Variants in IFTAP observed in about 807,000 individuals in gnomAD.
The protein encoded by IFTAP is intraflagellar transport associated protein, also known as intraflagellar transport-associated protein.
In IFTAP, 19 loss-of-function variants were observed where a neutral mutation model predicts 19.4. The ratio of observed to expected loss-of-function variants is 0.98; its 90% confidence interval spans 0.68 to 1.44. The LOEUF is 1.44. IFTAP is among the 40% of genes most tolerant of loss of function. The probability of loss-of-function intolerance (pLI) is 0.00; values close to 1 mark genes in which losing one functional copy is unlikely to be tolerated. For missense variants in IFTAP, 240 were observed against 253.6 expected, an observed-to-expected ratio of 0.95 and a Z score of 0.36; for synonymous variants, 85 against 83.5, an observed-to-expected ratio of 1.02 and a Z score of -0.10.
intron 2 of IFTAP, among the ~76,000 whole-genome samples, chr11:36,620,997 G>C (rs1852268487): frequency 6.6e-6 from 1 of 151,882 alleles, no homozygotes; most frequent in Non-Finnish European, 1.5e-5. Context: ...GAATGAAAGA[G>C]AACTACTAAT....
rs966080613 is a variant in IFTAP at position 36,610,224 on chromosome 11, A to T, written c.121A>T (p.Thr41Ser). ...TGATGAAGAATTTCTGAACACTTTT[A>T]CTCATCTTTCACAAGGTAAAATGGA... ...TYDEEFLNTFTHLSQEDHVSK... is the reference protein window; with the variant it reads ...TYDEEFLNTFSHLSQEDHVSK... Residue 41 changes from threonine (T) to serine (S), a missense_variant, in exon 2 of 6, where the codon ACT becomes TCT. Coordinates refer to ENST00000334307, the MANE Select transcript of IFTAP (RefSeq NM_138787.4). 2 of 1,607,716 alleles carry T rather than the reference A, an allele frequency of 1.2e-6. No homozygotes were observed. The highest frequency in any genetic ancestry group is 2.7e-5 in the African/African-American group (2 of 74,792).
intron 2 of IFTAP, among the ~76,000 whole-genome samples, chr11:36,622,309 A>G (rs561694304): frequency 5.9e-5 from 9 of 152,020 alleles, no homozygotes; most frequent in African/African-American, 2.2e-4. Flanking sequence ...GGGAAAAATT[A>G]CTCCTCCTAA....
intron 2 of IFTAP, among the ~76,000 whole-genome samples, chr11:36,622,083 A>ATTTTTTTTTTTTTTTTTT (rs199873596): frequency 1.4e-5 from 2 of 138,170 alleles, no homozygotes; most frequent in African/African-American, 2.8e-5. Flanking sequence ...CTCTTGTTCT[A>ATTTTTTTTTTTTTTTTTT]TTTTTTATTT....
intron 1 of IFTAP, among the ~76,000 whole-genome samples, chr11:36,605,055 A>T (rs111272545): frequency 3.3e-3 from 499 of 151,520 alleles, no homozygotes; most frequent in African/African-American, 0.011. Context: ...TCTTTTGGAG[A>T]TTTGACCATT....
At chr11:36,623,015 A>G (rs559887134) in intron 2 of IFTAP, among the ~76,000 whole-genome samples, 49 of 152,278 alleles carry the variant, frequency 3.2e-4, no homozygotes, top group African/African-American at 1.2e-3. Flanking sequence ...ATGTATTTAC[A>G]TGCTTTGACC....
chr11:36,653,155 A>T (rs888468313), intron 5 of IFTAP, among the ~76,000 whole-genome samples: 12 of 152,144 alleles, frequency 7.9e-5, no homozygotes, highest in African/African-American at 2.4e-4. Context: ...CCTACAGCTA[A>T]ATGCTGCCAT....
At chr11:36,648,964 C>T (rs1261812455) in intron 5 of IFTAP, among the ~76,000 whole-genome samples, 5 of 152,122 alleles carry the variant, frequency 3.3e-5, no homozygotes, top group Non-Finnish European at 7.4e-5. Flanking sequence ...TATCATTTTG[C>T]AGCTCTTCTA....
intron 5 of IFTAP, 106 bp from the exon 6 acceptor site, chr11:36,658,913 G>A: frequency 2.5e-6 from 2 of 809,404 alleles, no homozygotes; most frequent in Non-Finnish European, 1.8e-6. Context: ...GAGTGCTGAA[G>A]TCTGAAAAAA....
chr11:36,611,170 G>A (rs1407109429), intron 2 of IFTAP, among the ~76,000 whole-genome samples: 3 of 152,046 alleles, frequency 2.0e-5, no homozygotes, highest in African/African-American at 7.2e-5. Flanking sequence ...TCATTCAAGT[G>A]GCCCCCTAGG....
chr11:36,644,512 G>T (rs1283113114), intron 4 of IFTAP, among the ~76,000 whole-genome samples: 2 of 152,134 alleles, frequency 1.3e-5, no homozygotes, highest in African/African-American at 4.8e-5. Flanking sequence ...TATACCCAAA[G>T]GATTATAAAT....
chr11:36,610,660 G>C (rs1336428615), intron 2 of IFTAP, among the ~76,000 whole-genome samples: 2 of 152,110 alleles, frequency 1.3e-5, no homozygotes, highest in East Asian at 3.9e-4. Flanking sequence ...ATGTGATCAG[G>C]GGCAGGGGTA....
chr11:36,642,146 T>C (rs1853237343), intron 4 of IFTAP, among the ~76,000 whole-genome samples: 1 of 152,186 alleles, frequency 6.6e-6, no homozygotes, highest in East Asian at 1.9e-4. Context: ...AAGAATCAAA[T>C]AGACGCAATA....
chr11:36,610,813 GTGA>G (rs1257882863), intron 2 of IFTAP, among the ~76,000 whole-genome samples: 1 of 147,300 alleles, frequency 6.8e-6, no homozygotes, highest in African/African-American at 2.7e-5. Context: ...TATTGCTGTT[GTGA>G]TGCTGCTGCT....
intron 1 of IFTAP, among the ~76,000 whole-genome samples, chr11:36,604,658 G>C (rs920982875): frequency 2.0e-5 from 3 of 152,034 alleles, no homozygotes; most frequent in African/African-American, 7.2e-5. Context: ...TAAGATTGCT[G>C]CTTTGTGCTT....
At chr11:36,595,991 G>T (rs1450096061) in intron 1 of IFTAP, among the ~76,000 whole-genome samples, 1 of 152,184 alleles carries the variant, frequency 6.6e-6, no homozygotes, top group Non-Finnish European at 1.5e-5. Flanking sequence ...TATTCTTCTT[G>T]TCACCCTTTG....
intron 2 of IFTAP, among the ~76,000 whole-genome samples, chr11:36,630,773 A>G: frequency 6.6e-6 from 1 of 151,310 alleles, no homozygotes; most frequent in East Asian, 1.9e-4. Context: ...TAATTACTAG[A>G]TTTAGGTTAT....
chr11:36,624,009 T>G (rs1014700667), intron 2 of IFTAP, among the ~76,000 whole-genome samples: 12 of 152,000 alleles, frequency 7.9e-5, no homozygotes, highest in African/African-American at 2.9e-4. Context: ...ATATATATTT[T>G]TTTCCTCCTT....
rs141687264 is a variant in IFTAP, at chr11:36,618,630, G to C, written c.136+8391G>C. ...AGAATGACAGGCTGGCAGACAGGAG[G>C]GCCTTAGGTACAAGCCTGAGGAACA... On this transcript the variant is annotated intron_variant, in intron 2 of 5. Transcript: ENST00000334307. Among the ~76,000 whole-genome samples the C allele has an allele frequency of 1.7e-3, 253 of 152,046 alleles. 3 individuals are homozygous for C. Among genetic ancestry groups the C allele is most frequent in the African/African-American group, 5.8e-3 (239 of 41,512 alleles).
intron 5 of IFTAP, among the ~76,000 whole-genome samples, chr11:36,652,234 G>A (rs1465184897): frequency 6.6e-6 from 1 of 152,158 alleles, no homozygotes; most frequent in Non-Finnish European, 1.5e-5. Flanking sequence ...TCGTTGAGCA[G>A]TGGTTTGTAG....
Sources: allele counts gnomAD v4.1 joint callset (sites outside exome capture counted in the v4.1 genomes callset), GRCh38; gene constraint gnomAD v4.1.1; transcripts MANE v1.5; gene names NCBI Gene and HGNC (gene_info 2026-07-23, HGNC 2026-07-21).